The following SPOP variants were observed in gnomAD, a reference collection of about 807,000 sequenced individuals.
The protein encoded by SPOP is speckle-type POZ protein.
Under a neutral mutation model 45.6 loss-of-function variants are expected in SPOP, and 11 were observed. The ratio of observed to expected loss-of-function variants is 0.24; its 90% CI spans 0.15 to 0.40. SPOP has a LOEUF of 0.40. Ranked by LOEUF, SPOP falls within the 10% of genes least tolerant of loss-of-function variation. SPOP has a pLI of 1.00. For missense variants in SPOP, 152 were observed against 465.6 expected, an observed-to-expected ratio of 0.33 and a Z score of 6.20; for synonymous variants, 166 against 166.3, an observed-to-expected ratio of 1.00 and a Z score of 0.01.
chr17:49,669,225 C>T (rs1315548316), intron 1 of SPOP, among the ~76,000 whole-genome samples: 1 of 151,424 alleles, frequency 6.6e-6, no homozygotes, highest in Non-Finnish European at 1.5e-5. Flanking sequence ...CGCCATCATG[C>T]CCGGATAATT....
At chr17:49,669,423 ATAAAT>A (rs2073107796) in intron 1 of SPOP, among the ~76,000 whole-genome samples, 1 of 146,720 alleles carries the variant, frequency 6.8e-6, no homozygotes, top group Admixed American at 6.7e-5. Flanking sequence ...TCAATAAAAA[ATAAAT>A]TAAAAAAAAA....
At chr17:49,673,413 G>A (rs1180420841) in intron 1 of SPOP, among the ~76,000 whole-genome samples, 1 of 151,990 alleles carries the variant, frequency 6.6e-6, no homozygotes, top group Non-Finnish European at 1.5e-5. Flanking sequence ...GGCTGAGGCA[G>A]GAGAATGGCA....
intron 1 of SPOP, among the ~76,000 whole-genome samples, chr17:49,658,899 G>A (rs943357851): frequency 2.6e-5 from 4 of 152,170 alleles, no homozygotes; most frequent in African/African-American, 9.7e-5. Flanking sequence ...GCAAAGATCT[G>A]CTTGCAACTT....
intron 1 of SPOP, among the ~76,000 whole-genome samples, chr17:49,674,164 A>G (rs1262619448): frequency 3.3e-5 from 5 of 152,164 alleles, no homozygotes; most frequent in African/African-American, 1.2e-4. Context: ...AAATAAATAA[A>G]TAAATAAAAA....
At chr17:49,639,091 A>G (rs761879783) in intron 1 of SPOP, among the ~76,000 whole-genome samples, 13 of 152,234 alleles carry the variant, frequency 8.5e-5, no homozygotes, top group Non-Finnish European at 1.6e-4. Context: ...AGAGACAGAC[A>G]AGGTTCCCAA....
intron 1 of SPOP, among the ~76,000 whole-genome samples, chr17:49,642,452 A>C (rs1290919337): frequency 1.3e-5 from 2 of 152,030 alleles, no homozygotes; most frequent in African/African-American, 4.8e-5. Context: ...AGATCATGCC[A>C]CTGCACTCCA....
intron 6 of SPOP, among the ~76,000 whole-genome samples, chr17:49,610,801 A>G (rs951982227): frequency 4.6e-5 from 7 of 152,124 alleles, no homozygotes; most frequent in African/African-American, 1.4e-4. Flanking sequence ...CCATGGGCCT[A>G]TTAAAGCAAG....
rs779655864 is a variant in SPOP at position 49,607,961 on chromosome 17, G to A, written c.659-32C>T. The A allele has an allele frequency of 2.2e-5, 35 of 1,604,718 alleles. No individual in the cohort carries two copies. The Admixed American group carries it at 2.9e-4, about 13-fold the overall frequency. ...AGTCAAAGAGAAACAAGCAGATAAGGCTATCACAGTGAAATCTCTTGGTTG... is the reference window on the plus strand; with the variant it reads ...AGTCAAAGAGAAACAAGCAGATAAGACTATCACAGTGAAATCTCTTGGTTG... On this transcript the variant is annotated intron_variant, in intron 6 of 9. Transcript: ENST00000504102.
At chr17:49,663,937 G>GAT (rs1233733078) in intron 1 of SPOP, among the ~76,000 whole-genome samples, 1 of 152,192 alleles carries the variant, frequency 6.6e-6, no homozygotes, top group Non-Finnish European at 1.5e-5. Flanking sequence ...AATGGGTGGT[G>GAT]ATATAACTAA....
rs923942221 is a variant in SPOP, at chr17:49,623,881, T to C, written c.-66-1005A>G. Among the ~76,000 whole-genome samples the C allele has an allele frequency of 3.5e-4, 54 of 152,238 alleles. 1 individual carries two copies. Among genetic ancestry groups the C allele is most frequent in the South Asian group, 1.0e-3 (5 of 4,824 alleles). On this transcript the variant is annotated intron_variant, in intron 1 of 9. Coordinates refer to ENST00000504102, the MANE Select transcript of SPOP (RefSeq NM_001007228.2). ...TCTCAATCTACATTCTCTGTGTCAA[T>C]TTTTTGTTTTTTCACCAGTCAGACA...
chr17:49,677,660 G>A (rs1220387560), intron 1 of SPOP, among the ~76,000 whole-genome samples: 2 of 152,066 alleles, frequency 1.3e-5, no homozygotes, highest in African/African-American at 4.8e-5. Context: ...CTCAGTATTT[G>A]GCAAGGGGGA....
At chr17:49,616,299 T>A (rs2072084613) in intron 5 of SPOP, among the ~76,000 whole-genome samples, 1 of 152,120 alleles carries the variant, frequency 6.6e-6, no homozygotes, top group Non-Finnish European at 1.5e-5. Flanking sequence ...AGCACCAGAA[T>A]CCCTATGAAA....
intron 1 of SPOP, among the ~76,000 whole-genome samples, chr17:49,634,834 G>C (rs975022296): frequency 3.9e-5 from 6 of 152,174 alleles, no homozygotes; most frequent in African/African-American, 1.4e-4. Context: ...ATTAGTCTTA[G>C]GGCATACAAT....
intron 8 of SPOP, among the ~76,000 whole-genome samples, chr17:49,604,898 G>T (rs1290771041): frequency 6.6e-6 from 1 of 152,150 alleles, no homozygotes; most frequent in Non-Finnish European, 1.5e-5. Context: ...GGATTCCAGG[G>T]TTAACTAAAT....
At chr17:49,606,198 G>T (rs988672650) in intron 8 of SPOP, among the ~76,000 whole-genome samples, 2 of 151,990 alleles carry the variant, frequency 1.3e-5, no homozygotes, top group Non-Finnish European at 2.9e-5. Flanking sequence ...CTGTCACCCA[G>T]GCTGGAATGC....
intron 1 of SPOP, among the ~76,000 whole-genome samples, chr17:49,673,040 C>T (rs1042419299): frequency 2.0e-5 from 3 of 152,018 alleles, no homozygotes; most frequent in East Asian, 1.9e-4. Context: ...AAAGAAGTGT[C>T]ATCTTCAAGA....
At chr17:49,601,825 CAACT>C (rs752300128) in intron 9 of SPOP, 36 bp downstream of exon 9, 1 of 1,608,754 alleles carries the variant, frequency 6.2e-7, no homozygotes, top group East Asian at 2.2e-5. Context: ...TTCAGCTATC[CAACT>C]ATTTTGAAAG....
chr17:49,647,878 AG>A (rs2143475032), intron 1 of SPOP, among the ~76,000 whole-genome samples: 1 of 152,340 alleles, frequency 6.6e-6, no homozygotes, highest in East Asian at 1.9e-4. Flanking sequence ...TAACTGCCAG[AG>A]TAATTTTTCT....
intron 1 of SPOP, among the ~76,000 whole-genome samples, chr17:49,630,895 A>G (rs1289542195): frequency 6.6e-6 from 1 of 152,232 alleles, no homozygotes; most frequent in East Asian, 1.9e-4. Flanking sequence ...GAAATACCCA[A>G]TGGTTCTTAA....
Sources: allele counts gnomAD v4.1 joint callset (sites outside exome capture counted in the v4.1 genomes callset), GRCh38; gene constraint gnomAD v4.1.1; transcripts MANE v1.5; gene names NCBI Gene and HGNC (gene_info 2026-07-23, HGNC 2026-07-21).